Variants in PCDHGB2 observed in about 807,000 individuals in gnomAD.
PCDHGB2 encodes the protein protocadherin gamma-B2.
Under a neutral mutation model 59.3 loss-of-function variants are expected in PCDHGB2, and 55 were observed. The ratio of observed to expected loss-of-function variants is 0.93; its 90% CI spans 0.75 to 1.16. The LOEUF is 1.16. Ranked by LOEUF, PCDHGB2 falls within the 50% of genes most tolerant of loss-of-function variation. PCDHGB2 has a pLI of 0.00. For synonymous variants in PCDHGB2, 516 were observed against 512.0 expected (o/e 1.01, Z -0.11); for missense variants, 1,228 against 1,198.5 (o/e 1.02, Z -0.36).
intron 1 of PCDHGB2, among the ~76,000 whole-genome samples, chr5:141,461,838 T>G (rs1592748714): frequency 6.6e-6 from 1 of 151,980 alleles, no homozygotes; most frequent in African/African-American, 2.4e-5. Context: ...TTCTTTTTTT[T>G]TTGAGACAGA....
chr5:141,409,179 G>A, intron 1 of PCDHGB2: 1 of 1,613,988 alleles, frequency 6.2e-7, no homozygotes. Context: ...GACGGAGGTG[G>A]TCTCTCTACC....
In PCDHGB2 at chr5:141,432,278, A is replaced by G. The variant is rs923930127; in HGVS notation, c.2422-62529A>G. On this transcript the variant is annotated intron_variant, in intron 1 of 3. Transcript: ENST00000522605. The surrounding 1 kb of genome is among the most constrained non-coding windows in gnomAD (Gnocchi z 6.0). ...GGCAAGCCTATCGTCCTACGTGTCC[A>G]TCAACTCCGACACTGGGGTACTGTA... 3.7e-5 allele frequency: 59 copies of G among 1,614,078 alleles called. No individual in the cohort carries two copies. Among genetic ancestry groups the G allele is most frequent in the Non-Finnish European group, 4.7e-5 (55 of 1,180,036 alleles).
At chr5:141,466,034 A>T (rs189202430) in intron 1 of PCDHGB2, among the ~76,000 whole-genome samples, 1,557 of 152,178 alleles carry the variant, frequency 0.01, 35 homozygotes, top group African/African-American at 0.035. Flanking sequence ...AGGCAGGAGA[A>T]CGGCATGAAC....
Position 141,511,002 on chromosome 5 carries a change from C to A in PCDHGB2, c.2625C>A (p.Ser875Arg), listed in dbSNP as rs143630962. The change falls in exon 4 of 4, where the codon AGC becomes AGA. Residue 875 changes from serine to arginine, a missense_variant. Physicochemically the swap from Ser to Arg is moderately radical, Grantham distance 110. Transcript: ENST00000522605. Reference protein sequence around the residue: ...LGGGAGTMGLSARYGPQFTLQ... With the variant: ...LGGGAGTMGLRARYGPQFTLQ... ...GGGGTGCCGGCACCATGGGATTGAG[C>A]GCCCGCTACGGACCCCAGTTCACCC... The A allele has an allele frequency of 8.7e-6, 14 of 1,614,140 alleles. No homozygotes were observed. The highest frequency in any genetic ancestry group is 1.2e-5 in the Non-Finnish European group (14 of 1,180,018).
At chr5:141,391,803 G>A (rs953210867) in intron 1 of PCDHGB2, 5 of 152,172 alleles carry the variant, frequency 3.3e-5, no homozygotes, top group African/African-American at 1.2e-4. Flanking sequence ...TTAGATCAAA[G>A]TGTTAATGTA....
In PCDHGB2 at chr5:141,487,906, AGCACAGGAGGCTACAGT is replaced by A. The variant is rs2099668744; in HGVS notation, c.2422-6893_2422-6877del. ...TGGAAGCATGATGATGGAATGTGGG[AGCACAGGAGGCTACAGT>A]GCACAGGGTACAGTGCACCAGGCAG... On this transcript the variant is annotated intron_variant, in intron 1 of 3. Coordinates refer to ENST00000522605, the MANE Select transcript of PCDHGB2 (RefSeq NM_018923.3). The surrounding 1 kb of genome is among the most constrained non-coding windows in gnomAD (Gnocchi z 5.0). The A allele has an allele frequency of 8.7e-6, 6 of 686,524 alleles. No homozygotes were observed. The East Asian group carries it at 1.6e-4, about 19-fold the overall frequency. The allele number at this position is 686,524 out of a possible 1,614,324, so 42.5% of individuals were successfully genotyped here.
At chr5:141,488,691 G>A (rs1443084778) in intron 1 of PCDHGB2, among the ~76,000 whole-genome samples, 2 of 152,192 alleles carry the variant, frequency 1.3e-5, no homozygotes, top group Non-Finnish European at 2.9e-5. Flanking sequence ...CTCCCAGAAG[G>A]ACAAGATTTT....
chr5:141,445,252 A>G (rs2098461096), intron 1 of PCDHGB2, among the ~76,000 whole-genome samples: 1 of 152,224 alleles, frequency 6.6e-6, no homozygotes, highest in Non-Finnish European at 1.5e-5. Context: ...ATATTGTGTG[A>G]GAATATAAGT....
chr5:141,376,633 G>T, intron 1 of PCDHGB2: 15 of 913,104 alleles, frequency 1.6e-5, no homozygotes, highest in East Asian at 3.6e-5. Flanking sequence ...GAAGATTCGT[G>T]ATTTTGTAAA....
At chr5:141,465,522 G>A (rs1416012695) in intron 1 of PCDHGB2, among the ~76,000 whole-genome samples, 1 of 152,112 alleles carries the variant, frequency 6.6e-6, no homozygotes, top group Non-Finnish European at 1.5e-5. Context: ...AGGATTCTGG[G>A]GAAGTTTTCC....
At chr5:141,370,580 T>C (rs1289069128) in intron 1 of PCDHGB2, 1 of 1,613,918 alleles carries the variant, frequency 6.2e-7, no homozygotes, top group Non-Finnish European at 8.5e-7. Context: ...GGGATTTACC[T>C]ACTAGGAACC....
chr5:141,417,963 A>T (rs1260025037), intron 1 of PCDHGB2: 1 of 1,613,258 alleles, frequency 6.2e-7, no homozygotes, highest in Non-Finnish European at 8.5e-7. Flanking sequence ...CCGATCCGCT[A>T]CTCGATTCCG....
At chr5:141,371,264 A>G (rs753938620) in intron 1 of PCDHGB2, 27 of 1,614,064 alleles carry the variant, frequency 1.7e-5, no homozygotes, top group Non-Finnish European at 2.0e-5. Flanking sequence ...AAGTGAGACA[A>G]CTGTTCAAGC....
At chr5:141,377,359 T>A (rs1773912257) in intron 1 of PCDHGB2, 1 of 152,146 alleles carries the variant, frequency 6.6e-6, no homozygotes, top group South Asian at 2.1e-4. Flanking sequence ...TAATCCCACC[T>A]CTTCAGGAGG....
At chr5:141,409,381 G>T (rs1258881607) in intron 1 of PCDHGB2, 1 of 1,614,018 alleles carries the variant, frequency 6.2e-7, no homozygotes, top group Admixed American at 1.7e-5. Context: ...TTCCATTCAA[G>T]ATTTATTCTT....
chr5:141,436,875 A>C (rs1182313546), intron 1 of PCDHGB2, among the ~76,000 whole-genome samples: 3 of 152,236 alleles, frequency 2.0e-5, no homozygotes, highest in African/African-American at 7.2e-5. Context: ...TTAGGCCATA[A>C]AAGATGGGGG....
chr5:141,366,210 G>T (rs374658125), intron 1 of PCDHGB2: 73 of 1,613,682 alleles, frequency 4.5e-5, no homozygotes, highest in Non-Finnish European at 6.2e-5. Context: ...GGCGAGGTGC[G>T]CACAGCGCGA....
Position 141,505,409 on chromosome 5 carries a change from G to T in PCDHGB2, c.2497G>T (p.Asp833Tyr). The change falls in exon 3 of 4, where the codon GAC (aspartate) becomes TAC (tyrosine). Residue 833 changes from aspartate to tyrosine, a missense_variant. Asp to Tyr is a radical substitution (Grantham distance 160). Around this residue, in one of 3 missense-constraint regions of PCDHGB2, gnomAD observed 433 missense variants for 441.8 expected, o/e 0.98. Transcript: ENST00000522605. ...PGTSGSQNGD[D>Y]TGTWPNNQFD... Reference sequence around the variant, plus strand: ...TCTCCCCAGCTCCCAAAATGGCGATGACACCGGCACCTGGCCCAACAACCA... The same window carrying T: ...TCTCCCCAGCTCCCAAAATGGCGATTACACCGGCACCTGGCCCAACAACCA... 6.2e-7 allele frequency: 1 copy of T among 1,614,200 alleles called. No individual in the cohort carries two copies. Among genetic ancestry groups the T allele is most frequent in the Non-Finnish European group, 8.5e-7 (1 of 1,180,048 alleles).
intron 2 of PCDHGB2, among the ~76,000 whole-genome samples, chr5:141,496,406 G>C (rs1485949584): frequency 6.6e-6 from 1 of 152,160 alleles, no homozygotes; most frequent in African/African-American, 2.4e-5. Flanking sequence ...CTCAATGGTT[G>C]AGTACTTGCT....
Sources: gnomAD v4.1 joint callset for allele counts (sites outside exome capture counted in the v4.1 genomes callset) on GRCh38, gnomAD v4.1.1 for gene constraint, gnomAD v4.1.1 regional missense constraint, Gnocchi (gnomAD v3.1) non-coding constraint, MANE v1.5 for transcripts, NCBI Gene and HGNC (gene_info 2026-07-23, HGNC 2026-07-21) for gene names.